The following NOL4L variants were observed in gnomAD, a reference collection of about 807,000 sequenced individuals.
NOL4L encodes the protein nucleolar protein 4-like.
NOL4L carries 7 observed loss-of-function variants against 64.5 expected under a neutral mutation model. The observed-to-expected ratio is 0.11, with a 90% CI of 0.06 to 0.20. The LOEUF (loss-of-function observed/expected upper bound fraction) is 0.20. Among genes scored for constraint, NOL4L ranks in the 10% least tolerant of loss-of-function variants. The pLI is 1.00. For missense variants in NOL4L, 680 were observed against 967.1 expected, an observed-to-expected ratio of 0.70 and a Z score of 3.94; for synonymous variants, 413 against 401.0, an observed-to-expected ratio of 1.03 and a Z score of -0.36.
intron 2 of NOL4L, 114 bp downstream of exon 2, chr20:32,527,644 G>A (rs985466790): frequency 2.9e-5 from 37 of 1,294,476 alleles, no homozygotes; most frequent in Admixed American, 1.1e-4. Context: ...CCCAAAGGCC[G>A]TTTCATCACG....
At chr20:32,497,190 G>A (rs188449172) in intron 4 of NOL4L, among the ~76,000 whole-genome samples, 15 of 152,068 alleles carry the variant, frequency 9.9e-5, no homozygotes, top group African/African-American at 3.4e-4. Context: ...CTGCTGAAGC[G>A]TCTGAAACCC....
intron 5 of NOL4L, among the ~76,000 whole-genome samples, chr20:32,465,596 C>T (rs956921646): frequency 1.3e-5 from 2 of 152,200 alleles, no homozygotes; most frequent in Non-Finnish European, 2.9e-5. Context: ...AAGATCGAGC[C>T]GAGACACACA....
intron 4 of NOL4L, among the ~76,000 whole-genome samples, chr20:32,506,761 C>T (rs1310475049): frequency 6.6e-6 from 1 of 152,154 alleles, no homozygotes; most frequent in African/African-American, 2.4e-5. Flanking sequence ...TGTTTTGTCC[C>T]CTCTACTAAG....
intron 1 of NOL4L, among the ~76,000 whole-genome samples, chr20:32,549,862 T>C (rs1049327181): frequency 6.6e-6 from 1 of 152,204 alleles, no homozygotes; most frequent in South Asian, 2.1e-4. Context: ...GGAAAACAGG[T>C]AGTTCCTCAA....
At chr20:32,478,261 ACACACACACACACTCTCT>A (rs1237909851) in intron 4 of NOL4L, among the ~76,000 whole-genome samples, 1 of 127,590 alleles carries the variant, frequency 7.8e-6, no homozygotes, top group Admixed American at 8.8e-5. Flanking sequence ...ACACACACAC[ACACACACACACACTCTCT>A]CTCTCTCTCT....
intron 3 of NOL4L, among the ~76,000 whole-genome samples, chr20:32,515,972 C>A (rs2017638385): frequency 6.6e-6 from 1 of 152,196 alleles, no homozygotes; most frequent in Non-Finnish European, 1.5e-5. Flanking sequence ...GGTGCTTGGG[C>A]CAAGCCAGGT....
At chr20:32,527,694 G>A (rs2018185821) in intron 2 of NOL4L, 64 bp downstream of exon 2, 24 of 1,487,910 alleles carry the variant, frequency 1.6e-5, no homozygotes, top group Admixed American at 4.3e-5. Flanking sequence ...CAACATGTGC[G>A]GAGCCCGTGG....
At chr20:32,540,108 G>A (rs1353462152) in intron 1 of NOL4L, among the ~76,000 whole-genome samples, 1 of 152,210 alleles carries the variant, frequency 6.6e-6, no homozygotes, top group Non-Finnish European at 1.5e-5. Context: ...TGTCTGCTGG[G>A]CTGGGCAGGG....
Position 32,488,821 on chromosome 20 carries a change from CTTTCTTTTTCTTTCTTTCTT to C in NOL4L, c.700-14099_700-14080del, listed in dbSNP as rs1370801553. Among the ~76,000 whole-genome samples, 196 of 31,136 alleles carry C rather than the reference CTTTCTTTTTCTTTCTTTCTT, an allele frequency of 6.3e-3. 5 individuals are homozygous for C. Among genetic ancestry groups the C allele is most frequent in the Middle Eastern group, 0.014 (1 of 70 alleles). The allele number at this position is 31,136 out of a possible 152,430, so 20.4% of individuals were successfully genotyped here. A position where few individuals can be genotyped will look rare whatever the true frequency, so the allele number is the denominator to read the frequency against. On this transcript the variant is annotated intron_variant, in intron 4 of 10. Coordinates refer to ENST00000621426, the MANE Select transcript of NOL4L (RefSeq NM_001256798.2). ...TTTCTTTCTTTTTCTTTCTTTCTTTCTTTCTTTTTCTTTCTTTCTTTCTTTCTTTCTTTCTTTCTTTCTTT... is the reference window on the plus strand; with the variant it reads ...TTTCTTTCTTTTTCTTTCTTTCTTTCTCTTTCTTTCTTTCTTTCTTTCTTT...
chr20:32,515,594 T>G (rs1255061358), intron 3 of NOL4L, among the ~76,000 whole-genome samples: 1 of 152,114 alleles, frequency 6.6e-6, no homozygotes, highest in African/African-American at 2.4e-5. Flanking sequence ...CAGAGTCAGA[T>G]GCTCACCAGT....
At chr20:32,488,755 C>A (rs1465758695) in intron 4 of NOL4L, among the ~76,000 whole-genome samples, 1 of 49,978 alleles carries the variant, frequency 2.0e-5, no homozygotes, top group Non-Finnish European at 3.3e-5. Flanking sequence ...CTTTTCCTTC[C>A]TTCCTTCCTT....
At chr20:32,543,463 A>G (rs1053448336) in intron 1 of NOL4L, among the ~76,000 whole-genome samples, 3 of 152,176 alleles carry the variant, frequency 2.0e-5, no homozygotes, top group African/African-American at 7.2e-5. Context: ...TACTAAAAAT[A>G]CAAAAATTAG....
chr20:32,488,423 C>G (rs537001250), intron 4 of NOL4L, among the ~76,000 whole-genome samples: 1 of 152,256 alleles, frequency 6.6e-6, no homozygotes, highest in African/African-American at 2.4e-5. Flanking sequence ...TGATCTTTTC[C>G]CCAGAGGGAG....
Position 32,453,123 on chromosome 20 carries a change from T to G in NOL4L, c.1498-117A>C. On this transcript the variant is annotated intron_variant, in intron 8 of 10. Transcript: ENST00000621426. This position sits in a 1 kb window ranked among gnomAD's most constrained non-coding sequence, Gnocchi z 5.6. The stretch of plus-strand genomic sequence containing the variant: ...TGGGGTTTGGGCTCCAGCGCCTCAG[T>G]CTATGGAGCTGTGTGATCTTTCTGG... 1 of 1,463,746 alleles carries G rather than the reference T, an allele frequency of 6.8e-7. No individual in the cohort carries two copies. Among genetic ancestry groups the G allele is most frequent in the Non-Finnish European group, 9.3e-7 (1 of 1,076,564 alleles). The allele number at this position is 1,463,746 out of a possible 1,614,324, so 90.7% of individuals were successfully genotyped here. A position where few individuals can be genotyped will look rare whatever the true frequency, so the allele number is the denominator to read the frequency against.
At chr20:32,514,317 C>A (rs1266121642) in intron 3 of NOL4L, among the ~76,000 whole-genome samples, 1 of 151,992 alleles carries the variant, frequency 6.6e-6, no homozygotes, top group Non-Finnish European at 1.5e-5. Flanking sequence ...ACATGACAAA[C>A]CCCCACTCTC....
chr20:32,538,686 C>T (rs953795140), intron 1 of NOL4L, among the ~76,000 whole-genome samples: 5 of 152,180 alleles, frequency 3.3e-5, no homozygotes, highest in Admixed American at 6.5e-5. Context: ...CCAACCTCAC[C>T]GTTTCCTGCC....
intron 4 of NOL4L, among the ~76,000 whole-genome samples, chr20:32,494,833 C>G (rs1453834444): frequency 6.6e-6 from 1 of 152,184 alleles, no homozygotes; most frequent in Non-Finnish European, 1.5e-5. Context: ...GCAAATGGCA[C>G]CAGCGGCGGC....
chr20:32,499,714 G>A (rs2016839576), intron 4 of NOL4L, among the ~76,000 whole-genome samples: 1 of 136,768 alleles, frequency 7.3e-6, no homozygotes, highest in Non-Finnish European at 1.5e-5. Context: ...ACTCTAGCCT[G>A]GGCAACAGAG....
At chr20:32,528,515 A>G (rs2018223684) in intron 1 of NOL4L, among the ~76,000 whole-genome samples, 1 of 152,196 alleles carries the variant, frequency 6.6e-6, no homozygotes, top group Non-Finnish European at 1.5e-5. Context: ...GGCCACGAGG[A>G]GGTGGCAGGG....
Sources: allele counts gnomAD v4.1 joint callset (sites outside exome capture counted in the v4.1 genomes callset), GRCh38; gene constraint gnomAD v4.1.1; non-coding constraint Gnocchi (gnomAD v3.1); transcripts MANE v1.5; gene names NCBI Gene and HGNC (gene_info 2026-07-23, HGNC 2026-07-21).